C17orf99: variants seen among roughly 807,000 people sequenced by gnomAD.
C17orf99 encodes chromosome 17 open reading frame 99.
C17orf99 carries 18 observed loss-of-function variants against 22.6 expected under a neutral mutation model. The ratio of observed to expected loss-of-function variants is 0.80; its 90% CI spans 0.55 to 1.18. The LOEUF (loss-of-function observed/expected upper bound fraction) is 1.18. Among genes scored for constraint, C17orf99 ranks in the 50% most tolerant of loss-of-function variants. The pLI is 0.00. For missense variants in C17orf99, 328 were observed against 342.7 expected, an observed-to-expected ratio of 0.96 and a Z score of 0.34; for synonymous variants, 147 against 136.6, an observed-to-expected ratio of 1.08 and a Z score of -0.53.
intron 3 of C17orf99, among the ~76,000 whole-genome samples, chr17:78,161,992 G>C (rs551501021): frequency 6.6e-6 from 1 of 152,158 alleles, no homozygotes; most frequent in Non-Finnish European, 1.5e-5. Flanking sequence ...AGTTGCCCCA[G>C]GGGCTGGGTG....
chr17:78,147,077 C>A (rs1309515707), intron 2 of C17orf99, among the ~76,000 whole-genome samples, 166 bp downstream of exon 2: 1 of 152,156 alleles, frequency 6.6e-6, no homozygotes, highest in African/African-American at 2.4e-5. Flanking sequence ...CTGCAGGGCC[C>A]TAGGAGTGAT....
At chr17:78,146,295 A>G, upstream of C17orf99, 4 of 929,354 alleles carry the variant, frequency 4.3e-6, no homozygotes, top group Non-Finnish European at 4.8e-6. The surrounding 1 kb of genome is among the most constrained non-coding windows in gnomAD (Gnocchi z 5.2). Flanking sequence ...CCTCCAGGTT[A>G]TCTCCCCACT....
At chr17:78,150,775 G>A (rs1420405873) in intron 2 of C17orf99, among the ~76,000 whole-genome samples, 1 of 152,136 alleles carries the variant, frequency 6.6e-6, no homozygotes, top group East Asian at 1.9e-4. Context: ...GAGGGTGTTG[G>A]TTGGAAGGTT....
At chr17:78,150,597 G>T (rs2075474323) in intron 2 of C17orf99, among the ~76,000 whole-genome samples, 1 of 152,186 alleles carries the variant, frequency 6.6e-6, no homozygotes, top group African/African-American at 2.4e-5. Flanking sequence ...GTTTAGCAAG[G>T]AGAGGGGAGA....
At position 78,146,806 on chromosome 17, in the gene C17orf99, G is replaced by T. The variant is rs1204878992; in HGVS notation, c.38-73G>T. 7.0e-7 allele frequency: 1 copy of T among 1,426,152 alleles called. No individual in the cohort carries two copies. The highest frequency in any genetic ancestry group is 2.0e-5 in the Admixed American group (1 of 50,434). 88.3% of individuals were successfully genotyped at this position (1,426,152 alleles called of 1,614,324 possible). A position where few individuals can be genotyped will look rare whatever the true frequency, so the allele number is the denominator to read the frequency against. ...TGCTCCTCCCTCCTGGCTTCAGCAG[G>T]TGGGTCTCGAGGCTGTCTCTGGTCT... is the stretch of plus-strand genomic sequence containing the variant. On this transcript the variant is annotated intron_variant, in intron 1 of 4. Coordinates refer to ENST00000340363, the MANE Select transcript of C17orf99 (RefSeq NM_001163075.2). The surrounding 1 kb of genome is among the most constrained non-coding windows in gnomAD (Gnocchi z 5.2).
At chr17:78,156,329 C>G (rs2075524686) in intron 2 of C17orf99, among the ~76,000 whole-genome samples, 1 of 123,296 alleles carries the variant, frequency 8.1e-6, no homozygotes, top group South Asian at 2.9e-4. Flanking sequence ...AACTCCTTCT[C>G]CAGAAAAAAA....
chr17:78,149,955 C>T, intron 2 of C17orf99, among the ~76,000 whole-genome samples: 1 of 151,870 alleles, frequency 6.6e-6, no homozygotes, highest in Non-Finnish European at 1.5e-5. Flanking sequence ...GTGATCTGCC[C>T]ACCTTGGCCT....
intron 2 of C17orf99, chr17:78,158,531 G>A (rs537146081): frequency 1.8e-4 from 30 of 166,800 alleles, no homozygotes; most frequent in Non-Finnish European, 3.2e-4. Flanking sequence ...TCCTGACCTC[G>A]TGATCCACCC....
chr17:78,156,479 C>T (rs535512293), intron 2 of C17orf99, among the ~76,000 whole-genome samples: 3 of 152,048 alleles, frequency 2.0e-5, no homozygotes, highest in South Asian at 4.2e-4. Flanking sequence ...AGATACCTGG[C>T]GTAGGTGGGT....
chr17:78,145,792 CTTTTTT>C (rs5822229), upstream of C17orf99, among the ~76,000 whole-genome samples: 1 of 128,886 alleles, frequency 7.8e-6, no homozygotes, highest in African/African-American at 2.9e-5. Flanking sequence ...GCGTGGACAT[CTTTTTT>C]TTTTTTTTTT....
chr17:78,164,531 G>A (rs560674989), intron 4 of C17orf99, 167 bp downstream of exon 4: 1 of 1,535,730 alleles, frequency 6.5e-7, no homozygotes, highest in Admixed American at 2.0e-5. Context: ...CCTGCCTAAA[G>A]GAAGCCCAAC....
rs2075534398 is a variant in C17orf99 at position 78,157,340 on chromosome 17, C to CGGT, written c.71-3613_71-3612insTGG. The CGGT allele has an allele frequency of 8.1e-6, 6 of 738,374 alleles. No homozygotes were observed. The South Asian group carries it at 9.3e-5, about 11-fold the overall frequency. The allele number at this position is 738,374 out of a possible 1,614,324, so 45.7% of individuals were successfully genotyped here. ...GACCTGTGTTCAGCAGCGGCGGCGG[C>CGGT]GGCGGCGGTGGGCTCGGAGGCTCAC... On this transcript the variant is annotated intron_variant, in intron 2 of 4. Coordinates refer to ENST00000340363, the MANE Select transcript of C17orf99 (RefSeq NM_001163075.2).
At position 78,164,127 on chromosome 17, in the gene C17orf99, C is replaced by T; in HGVS notation, c.403C>T (p.Leu135=). The stretch of plus-strand genomic sequence containing the variant: ...GTCTGAGCTGCGGGCCAACTTCACT[C>T]TGCAGGACAGAGGGGCAGGCCCCAG... ...PVSELRANFT[L]QDRGAGPRVE... The change falls in exon 4 of 5, where the codon CTG becomes TTG. Residue 135 remains leucine (L), a synonymous_variant. Coordinates refer to ENST00000340363, the MANE Select transcript of C17orf99 (RefSeq NM_001163075.2). The T allele has an allele frequency of 6.4e-7, 1 of 1,551,742 alleles. No individual in the cohort carries two copies. Among genetic ancestry groups the T allele is most frequent in the Non-Finnish European group, 8.7e-7 (1 of 1,147,024 alleles).
intron 2 of C17orf99, among the ~76,000 whole-genome samples, chr17:78,149,770 T>C (rs1028713528): frequency 1.3e-5 from 2 of 151,450 alleles, no homozygotes; most frequent in African/African-American, 2.4e-5. Context: ...AGTGCAGTGG[T>C]GCAATCTCGG....
At chr17:78,162,791 A>G (rs775255006) in intron 3 of C17orf99, among the ~76,000 whole-genome samples, 7 of 151,814 alleles carry the variant, frequency 4.6e-5, no homozygotes, top group Admixed American at 1.3e-4. Context: ...CAAAAAAATT[A>G]TTTTCTTTTT....
chr17:78,161,147 C>T lies in C17orf99; in HGVS notation c.263C>T (p.Thr88Ile). The T allele has an allele frequency of 6.4e-7, 1 of 1,551,830 alleles. No homozygotes were observed. Among genetic ancestry groups the T allele is most frequent in the Non-Finnish European group, 8.7e-7 (1 of 1,146,990 alleles). The change falls in exon 3 of 5, where the codon ACA becomes ATA. Residue 88 changes from threonine to isoleucine, a missense_variant. Transcript: ENST00000340363. ...CCGGCCTCCTTCAACCTCAACGTCA[C>T]ACTCAAGTCCAGTCCAGACCTGCTC... ...HEPASFNLNV[T>I]LKSSPDLLTY...
intron 2 of C17orf99, chr17:78,157,796 C>CGG: frequency 1.8e-6 from 1 of 555,956 alleles, no homozygotes; most frequent in Non-Finnish European, 2.8e-6. Flanking sequence ...GACTCTGTCT[C>CGG]GGAAAAAAAA....
chr17:78,163,971 G>A (rs1382527904), intron 3 of C17orf99, 124 bp from the exon 4 acceptor site: 7 of 807,602 alleles, frequency 8.7e-6, no homozygotes, highest in East Asian at 2.7e-5. Context: ...TCTAGAAGGC[G>A]GCCTGGAGGA....
At position 78,164,179 on chromosome 17, in the gene C17orf99, C is replaced by T. The variant is rs1417314060; in HGVS notation, c.455C>T (p.Ser152Leu). ...PRVEMICQAS[S>L]GSPPITNSLI... Reference sequence around the variant, plus strand: ...GTGGAGATGATCTGCCAGGCGTCCTCGGGCAGCCCACCTATCACCAACAGC... The same window carrying T: ...GTGGAGATGATCTGCCAGGCGTCCTTGGGCAGCCCACCTATCACCAACAGC... Residue 152 changes from serine (S) to leucine (L), a missense_variant, in exon 4 of 5, where the codon TCG becomes TTG. Transcript: ENST00000340363. 9 of 1,551,498 alleles carry T rather than the reference C, an allele frequency of 5.8e-6. No homozygotes were observed. The highest frequency in any genetic ancestry group is 2.4e-5 in the East Asian group (1 of 40,928).
Sources: allele counts gnomAD v4.1 joint callset (sites outside exome capture counted in the v4.1 genomes callset), GRCh38; gene constraint gnomAD v4.1.1; non-coding constraint Gnocchi (gnomAD v3.1); transcripts MANE v1.5; gene names NCBI Gene and HGNC (gene_info 2026-07-23, HGNC 2026-07-21).